Variants in PSG3 observed in about 807,000 individuals in gnomAD.
PSG3 encodes the protein pregnancy specific beta-1-glycoprotein 3.
PSG3 carries 61 observed loss-of-function variants against 47.5 expected under a neutral mutation model. The ratio of observed to expected loss-of-function variants is 1.28; its 90% confidence interval spans 1.05 to 1.59. The LOEUF (loss-of-function observed/expected upper bound fraction) is 1.59, where lower values mean the gene tolerates loss of function less well. PSG3 is among the 40% of genes most tolerant of loss of function. The probability of loss-of-function intolerance (pLI) is 0.00; values close to 1 mark genes in which losing one functional copy is unlikely to be tolerated. For synonymous variants in PSG3, 263 were observed against 198.4 expected (o/e 1.33, Z -2.74); for missense variants, 756 against 524.0 (o/e 1.44, Z -4.32).
chr19:42,722,107 T>C lies in PSG3; in HGVS notation c.*41-17A>G. ...AGCAACTGTCTGGGAATGACAAAGA[T>C]TTAAAATGACTATGGTTAAAAATCT... On this transcript the variant is annotated splice_polypyrimidine_tract_variant and intron_variant, in intron 6 of 6. Coordinates refer to ENST00000327495, the MANE Select transcript of PSG3 (RefSeq NM_021016.4). 4.9e-6 allele frequency: 2 copies of C among 411,970 alleles called. No homozygotes were observed. The highest frequency in any genetic ancestry group is 8.9e-6 in the Non-Finnish European group (2 of 225,944). The allele number at this position is 411,970 out of a possible 1,614,324, so 25.5% of individuals were successfully genotyped here. A position where few individuals can be genotyped will look rare whatever the true frequency, so the allele number is the denominator to read the frequency against.
chr19:42,737,522 G>A (rs1347199417), intron 2 of PSG3, among the ~76,000 whole-genome samples: 1 of 152,130 alleles, frequency 6.6e-6, no homozygotes, highest in Admixed American at 6.5e-5. Context: ...AGATCTGAGG[G>A]GGAGGCCTGG....
chr19:42,733,030 T>A lies in PSG3; in HGVS notation c.463A>T (p.Asn155Tyr). Residue 155 changes from asparagine (N) to tyrosine (Y), a missense_variant, in exon 3 of 7, where the codon AAC becomes TAC. Physicochemically the swap from Asn to Tyr is moderately radical, Grantham distance 143. Transcript: ENST00000327495. ...TCCATGTCCTCCCTGGGGTATAAGT[T>A]GCTGCTGGAGATGGAGGGCTTGGGA... ...ETPKPSISSS[N>Y]LYPREDMEAV... The A allele has an allele frequency of 6.2e-7, 1 of 1,614,132 alleles. No homozygotes were observed.
chr19:42,735,291 T>A (rs1181625090), intron 2 of PSG3, among the ~76,000 whole-genome samples: 2 of 152,200 alleles, frequency 1.3e-5, no homozygotes, highest in Admixed American at 6.5e-5. Flanking sequence ...TATTGACATA[T>A]CCTCAAGCTA....
intron 2 of PSG3, among the ~76,000 whole-genome samples, chr19:42,736,289 T>G (rs1412236158): frequency 1.3e-5 from 2 of 152,216 alleles, no homozygotes; most frequent in African/African-American, 2.4e-5. Flanking sequence ...AGATTGGTCT[T>G]TTGAGATGTT....
At chr19:42,732,657 T>C (rs1969491293) in intron 3 of PSG3, 127 bp downstream of exon 3, 4 of 1,605,894 alleles carry the variant, frequency 2.5e-6, no homozygotes, top group African/African-American at 1.3e-5. Context: ...CAGAAAGTCA[T>C]GGCCAGGTTT....
Position 42,729,376 on chromosome 19 carries a change from A to G in PSG3, c.990T>C (p.Tyr330=). The G allele has an allele frequency of 1.9e-6, 3 of 1,611,060 alleles. No individual in the cohort carries two copies. Among genetic ancestry groups the G allele is most frequent in the Non-Finnish European group, 2.5e-6 (3 of 1,178,330 alleles). Residue 330 remains tyrosine, a splice_region_variant and synonymous_variant, in exon 5 of 7, where the codon TAT becomes TAC. Transcript: ENST00000327495. ...RSYPVTLNVL[Y]GPDLPRIYPS... is the part of the protein sequence containing the mutation. ...GGTAAATTCTGGGGAGGTCTGGACC[A>G]TCTGGAGCAAAGAGAATAAAGCCAC...
rs1195873294 is a variant in PSG3 at position 42,738,854 on chromosome 19, T to C, written c.300A>G (p.Thr100=). 2.5e-6 allele frequency: 4 copies of C among 1,614,160 alleles called. No homozygotes were observed. Among genetic ancestry groups the C allele is most frequent in the Non-Finnish European group, 3.4e-6 (4 of 1,180,000 alleles). ...IYGPAYSGRE[T]VYSNASLLIQ... The stretch of plus-strand genomic sequence containing the variant: ...TCAGCAGGGATGCATTGGAATATAC[T>C]GTTTCTCGTCCACTGTATGCAGGCC... Residue 100 remains threonine, a synonymous_variant, in exon 2 of 7, where the codon ACA becomes ACG. Transcript: ENST00000327495.
At chr19:42,726,008 T>A (rs930833773) in intron 5 of PSG3, among the ~76,000 whole-genome samples, 1 of 151,344 alleles carries the variant, frequency 6.6e-6, no homozygotes, top group African/African-American at 2.4e-5. Context: ...ATAACCTAGA[T>A]GAAGTAGACA....
At chr19:42,723,440 A>G (rs1969327634) in intron 6 of PSG3, among the ~76,000 whole-genome samples, 1 of 152,200 alleles carries the variant, frequency 6.6e-6, no homozygotes, top group South Asian at 2.1e-4. Context: ...AGGAAGTGAG[A>G]AGGCTTAGTA....
chr19:42,736,049 G>C (rs1969557632), intron 2 of PSG3, among the ~76,000 whole-genome samples: 2 of 152,184 alleles, frequency 1.3e-5, no homozygotes, highest in South Asian at 4.1e-4. Flanking sequence ...TAACTTTGAA[G>C]CAAGAATGAT....
intron 3 of PSG3, 77 bp from the exon 4 acceptor site, chr19:42,730,133 G>A (rs1036557532): frequency 6.3e-6 from 10 of 1,585,240 alleles, no homozygotes; most frequent in African/African-American, 5.4e-5. Context: ...ATCAGAGTTG[G>A]CATCTCCCAC....
Position 42,732,492 on chromosome 19 carries a change from C to G in PSG3, c.709+292G>C, listed in dbSNP as rs144918897. 1.8e-3 allele frequency: 1,216 copies of G among 664,882 alleles called. 1 individual carries two copies. Among genetic ancestry groups the G allele is most frequent in the Non-Finnish European group, 2.4e-3 (1,005 of 410,628 alleles). The allele number at this position is 664,882 out of a possible 1,614,324, so 41.2% of individuals were successfully genotyped here. On this transcript the variant is annotated intron_variant, in intron 3 of 6. Transcript: ENST00000327495. ...GTGAGCCAAGTTGCAACACTGAAGT[C>G]CCAGCCAAATCCCTGCTGTGTTCAC...
chr19:42,731,489 T>C (rs945993654), intron 3 of PSG3, among the ~76,000 whole-genome samples: 6 of 152,196 alleles, frequency 3.9e-5, no homozygotes, highest in African/African-American at 7.2e-5. Context: ...ATGCTGCACT[T>C]GTATATTTTT....
At chr19:42,722,738 A>G (rs1023665249) in intron 6 of PSG3, among the ~76,000 whole-genome samples, 17 of 152,310 alleles carry the variant, frequency 1.1e-4, no homozygotes, top group South Asian at 2.1e-4. Context: ...AAATAGGGCC[A>G]AAAAAGTATA....
intron 3 of PSG3, 106 bp downstream of exon 3, chr19:42,732,678 G>C: frequency 6.2e-7 from 1 of 1,612,876 alleles, no homozygotes; most frequent in Admixed American, 1.7e-5. Context: ...GATGTCCAGG[G>C]GTAAAGGTCT....
chr19:42,735,624 G>A (rs1316775112), intron 2 of PSG3, among the ~76,000 whole-genome samples: 1 of 152,192 alleles, frequency 6.6e-6, no homozygotes, highest in Non-Finnish European at 1.5e-5. Context: ...GCCTCCCAAA[G>A]TCCTGGGATT....
chr19:42,724,781 C>A (rs1400494299), intron 5 of PSG3, among the ~76,000 whole-genome samples: 1 of 151,922 alleles, frequency 6.6e-6, no homozygotes, highest in East Asian at 1.9e-4. Flanking sequence ...AACTAACATA[C>A]CAGGCTTGAT....
intron 2 of PSG3, among the ~76,000 whole-genome samples, chr19:42,736,532 T>C (rs1039845793): frequency 3.3e-5 from 5 of 152,070 alleles, no homozygotes; most frequent in Non-Finnish European, 5.9e-5. Context: ...ATTTGAGTAA[T>C]AATAAACCTC....
rs1227504255 is a variant in PSG3, at chr19:42,729,170, G to C, written c.1196C>G (p.Ser399Ter). The change falls in exon 5 of 7, where the codon TCA becomes TGA. Residue 399 changes from serine to a stop codon, truncating the protein, a stop_gained. Coordinates refer to ENST00000327495, the MANE Select transcript of PSG3 (RefSeq NM_021016.4). LOFTEE classifies it high-confidence loss of function. Reference sequence around the variant, plus strand: ...TTTGGAGCTTTCCATGCCAGTGGCTGAGTTACGAACAGAGCAAGCATAGAG... The same window carrying C: ...TTTGGAGCTTTCCATGCCAGTGGCTCAGTTACGAACAGAGCAAGCATAGAG... ...SGLYACSVRNSATGMESSKSM... is the reference protein window; with the variant it reads ...SGLYACSVRN 1.2e-6 allele frequency: 2 copies of C among 1,614,026 alleles called. No homozygotes were observed. The highest frequency in any genetic ancestry group is 2.2e-5 in the South Asian group (2 of 91,078).
Sources: gnomAD v4.1 joint callset for allele counts (sites outside exome capture counted in the v4.1 genomes callset) on GRCh38, gnomAD v4.1.1 for gene constraint, MANE v1.5 for transcripts, NCBI Gene and HGNC (gene_info 2026-07-23, HGNC 2026-07-21) for gene names.